Variants in SEMA3A observed in about 807,000 individuals in gnomAD.
The protein encoded by SEMA3A is semaphorin 3A, also known as semaphorin-3A.
Under a neutral mutation model 97.9 loss-of-function variants are expected in SEMA3A, and 29 were observed. The ratio of observed to expected loss-of-function variants is 0.30; its 90% CI spans 0.22 to 0.40. The LOEUF is 0.40. SEMA3A is among the 10% of genes least tolerant of loss of function. SEMA3A has a pLI of 1.00. For missense variants in SEMA3A, 763 were observed against 951.3 expected (o/e 0.80, Z 2.60); for synonymous variants, 321 against 323.7 (o/e 0.99, Z 0.09).
rs1219907509 is a variant in SEMA3A at position 84,376,322 on chromosome 7, G to GTTTAAGATGA, written c.-245-4423_-245-4422insTCATCTTAAA. Among the ~76,000 whole-genome samples, 9 of 115,568 alleles carry GTTTAAGATGA rather than the reference G, an allele frequency of 7.8e-5. 1 individual carries two copies. The highest frequency in any genetic ancestry group is 7.5e-4 in the East Asian group (2 of 2,674). 75.8% of individuals were successfully genotyped at this position (115,568 alleles called of 152,430 possible). ...TATCAACAGTGTATAAGAAGTGTTG[G>GTTTAAGATGA]CCGGGCGCGGTGGCTCACGCCTGTA... On this transcript the variant is annotated intron_variant, in intron 1 of 3. Transcript: ENST00000424555.
intron 1 of SEMA3A, among the ~76,000 whole-genome samples, chr7:84,151,705 T>C (rs1198399994): frequency 6.6e-6 from 1 of 152,046 alleles, no homozygotes; most frequent in African/African-American, 2.4e-5. Context: ...GGGATCTCAT[T>C]AAACTAAAGA....
chr7:84,312,919 T>TACACACACAC (rs1169125442), intron 2 of SEMA3A, among the ~76,000 whole-genome samples: 3 of 31,068 alleles, frequency 9.7e-5, no homozygotes, highest in Non-Finnish European at 2.4e-4. Flanking sequence ...TATATATATA[T>TACACACACAC]ATACACACAC....
At position 84,124,954 on chromosome 7, in the gene SEMA3A, A is replaced by G. The variant is rs1028349692; in HGVS notation, c.333+4169T>C. ...TTGCATAAAAAATGTATGAAAAGCA[A>G]TATTAAAGGATCTATAAGGGTTATC... On this transcript the variant is annotated intron_variant, in intron 3 of 16. Transcript: ENST00000265362. Among the ~76,000 whole-genome samples the G allele has an allele frequency of 1.7e-4, 26 of 152,098 alleles. No homozygotes were observed. The South Asian group carries it at 3.5e-3, about 21-fold the overall frequency.
intron 12 of SEMA3A, among the ~76,000 whole-genome samples, chr7:83,987,137 G>A (rs962418761): frequency 3.3e-5 from 5 of 149,882 alleles, no homozygotes; most frequent in Non-Finnish European, 7.4e-5. Flanking sequence ...ATTTTATATA[G>A]ATACATATAA....
At chr7:84,194,291 A>G (rs1798144214) in intron 1 of SEMA3A, among the ~76,000 whole-genome samples, 184 bp downstream of exon 1, 1 of 152,104 alleles carries the variant, frequency 6.6e-6, no homozygotes, top group Non-Finnish European at 1.5e-5. Flanking sequence ...GTTGTCATAT[A>G]TCAAACAGAA....
chr7:84,117,914 T>C (rs1247973275), intron 3 of SEMA3A, among the ~76,000 whole-genome samples: 2 of 152,250 alleles, frequency 1.3e-5, no homozygotes, highest in Non-Finnish European at 2.9e-5. Flanking sequence ...CTTAACATGA[T>C]GACTAGCGCT....
At chr7:83,980,613 A>T (rs1191669284) in intron 14 of SEMA3A, among the ~76,000 whole-genome samples, 1 of 81,526 alleles carries the variant, frequency 1.2e-5, no homozygotes, top group East Asian at 3.7e-4. Flanking sequence ...CAAAAAAAAA[A>T]AAAAAAAAAA....
chr7:84,443,365 G>T (rs985695381), intron 1 of SEMA3A, among the ~76,000 whole-genome samples: 4 of 152,108 alleles, frequency 2.6e-5, no homozygotes, highest in Non-Finnish European at 1.5e-5. Context: ...TCAAGGTCAA[G>T]ACACTTTTTA....
chr7:84,439,752 T>G (rs973709412), intron 1 of SEMA3A, among the ~76,000 whole-genome samples: 15 of 152,288 alleles, frequency 9.8e-5, no homozygotes, highest in African/African-American at 3.1e-4. Flanking sequence ...AGTACATATA[T>G]AGTACATGTG....
At chr7:84,209,573 C>A (rs1390916061) in intron 3 of SEMA3A, among the ~76,000 whole-genome samples, 2 of 151,962 alleles carry the variant, frequency 1.3e-5, no homozygotes, top group Non-Finnish European at 2.9e-5. Flanking sequence ...AATAGTATAT[C>A]CAAAAGTGTA....
chr7:84,002,638 C>A (rs1562966024), intron 11 of SEMA3A, among the ~76,000 whole-genome samples: 1 of 152,072 alleles, frequency 6.6e-6, no homozygotes, highest in Non-Finnish European at 1.5e-5. Flanking sequence ...GGCTCAATGG[C>A]CATTATGTGA....
At chr7:84,443,942 A>G (rs1805338511) in intron 1 of SEMA3A, among the ~76,000 whole-genome samples, 1 of 132,272 alleles carries the variant, frequency 7.6e-6, no homozygotes, top group Non-Finnish European at 1.5e-5. Flanking sequence ...GCTGGAATGC[A>G]GTGGTGTGAT....
intron 3 of SEMA3A, among the ~76,000 whole-genome samples, chr7:84,251,908 AAAAAG>A (rs34575041): frequency 0.24 from 35,944 of 151,904 alleles, 5,219 homozygotes; most frequent in African/African-American, 0.41. Flanking sequence ...TTCACAAAAT[AAAAAG>A]AAAACAATTG....
chr7:84,256,856 T>C (rs1467588662), intron 3 of SEMA3A, among the ~76,000 whole-genome samples: 1 of 152,120 alleles, frequency 6.6e-6, no homozygotes, highest in Non-Finnish European at 1.5e-5. Context: ...GGCCAAGCAT[T>C]ACTTCTTGCA....
chr7:84,305,159 G>T lies in SEMA3A; in HGVS notation c.-83+2048C>A, dbSNP rs138341808. Reference sequence around the variant, plus strand: ...TAGACAAGAAAAATATACTGTCTACGCTTTTAAATAATTATTTATATAAGC... The same window carrying T: ...TAGACAAGAAAAATATACTGTCTACTCTTTTAAATAATTATTTATATAAGC... On this transcript the variant is annotated intron_variant, in intron 3 of 3. Coordinates refer to the SEMA3A transcript ENST00000424555. 9.3e-4 allele frequency among the ~76,000 whole-genome samples: 140 copies of T among 150,516 alleles called. 1 individual carries two copies. Among genetic ancestry groups the T allele is most frequent in the African/African-American group, 3.2e-3 (131 of 41,016 alleles).
intron 1 of SEMA3A, among the ~76,000 whole-genome samples, chr7:84,427,057 G>T (rs984324421): frequency 1.4e-4 from 22 of 152,092 alleles, no homozygotes; most frequent in African/African-American, 5.1e-4. Flanking sequence ...TAACTATTGA[G>T]TAAAGAAGAA....
intron 3 of SEMA3A, among the ~76,000 whole-genome samples, chr7:84,278,412 A>G (rs1800363614): frequency 1.3e-5 from 2 of 152,112 alleles, no homozygotes; most frequent in African/African-American, 4.8e-5. Flanking sequence ...TCTGCCTGTT[A>G]TCCAATTCCA....
chr7:84,435,853 G>A (rs1206215302), intron 1 of SEMA3A, among the ~76,000 whole-genome samples: 1 of 152,056 alleles, frequency 6.6e-6, no homozygotes, highest in East Asian at 1.9e-4. Flanking sequence ...TCAAAAAAGA[G>A]CCAGAATAGC....
At chr7:84,149,112 A>G (rs1324777669) in intron 1 of SEMA3A, among the ~76,000 whole-genome samples, 3 of 152,196 alleles carry the variant, frequency 2.0e-5, no homozygotes, top group Admixed American at 6.5e-5. Flanking sequence ...ATTATCATGT[A>G]GATAAGTTGG....
Sources: gnomAD v4.1 joint callset for allele counts (sites outside exome capture counted in the v4.1 genomes callset) on GRCh38, gnomAD v4.1.1 for gene constraint, MANE v1.5 for transcripts, NCBI Gene and HGNC (gene_info 2026-07-23, HGNC 2026-07-21) for gene names.